CDH8: variants seen among roughly 807,000 people sequenced by gnomAD.
The protein encoded by CDH8 is cadherin-8.
Under a neutral mutation model 68.1 loss-of-function variants are expected in CDH8, and 17 were observed. That is an observed-to-expected ratio of 0.25 (90% CI 0.17 to 0.37). CDH8 has a LOEUF of 0.37. Ranked by LOEUF, CDH8 falls within the 10% of genes least tolerant of loss-of-function variation. The probability of loss-of-function intolerance (pLI) is 1.00; values close to 1 mark genes in which losing one functional copy is unlikely to be tolerated. For missense variants in CDH8, 763 were observed against 999.3 expected, an observed-to-expected ratio of 0.76 and a Z score of 3.19; for synonymous variants, 372 against 365.1, an observed-to-expected ratio of 1.02 and a Z score of -0.21.
At chr16:61,908,834 T>C (rs1964108084) in intron 2 of CDH8, among the ~76,000 whole-genome samples, 1 of 152,172 alleles carries the variant, frequency 6.6e-6, no homozygotes, top group Non-Finnish European at 1.5e-5. Context: ...AATTACATCA[T>C]AAAATTAAAG....
intron 9 of CDH8, among the ~76,000 whole-genome samples, chr16:61,721,784 G>A (rs894022060): frequency 1.3e-4 from 19 of 150,690 alleles, no homozygotes; most frequent in African/African-American, 4.4e-4. Context: ...AAATTTCAGG[G>A]ACTTTAGCAC....
chr16:61,859,635 A>G (rs997514135), intron 3 of CDH8, among the ~76,000 whole-genome samples: 23 of 152,314 alleles, frequency 1.5e-4, no homozygotes, highest in African/African-American at 5.5e-4. Context: ...ATAAAACATT[A>G]ACACTGGGTA....
chr16:61,807,600 T>A (rs1961825578), intron 7 of CDH8, among the ~76,000 whole-genome samples: 1 of 152,190 alleles, frequency 6.6e-6, no homozygotes, highest in African/African-American at 2.4e-5. Flanking sequence ...CTGTGCAGAT[T>A]GCCCTTCAAA....
At chr16:61,712,694 G>A (rs1052853950) in intron 10 of CDH8, among the ~76,000 whole-genome samples, 1 of 151,532 alleles carries the variant, frequency 6.6e-6, no homozygotes, top group African/African-American at 2.4e-5. Context: ...GAGACAGAAA[G>A]GGTTTTGTCT....
At chr16:61,676,832 C>T (rs1333476554) in intron 10 of CDH8, among the ~76,000 whole-genome samples, 1 of 151,986 alleles carries the variant, frequency 6.6e-6, no homozygotes, top group Non-Finnish European at 1.5e-5. Context: ...CATCATCCCC[C>T]AAATTCCCTC....
At chr16:62,008,879 T>G (rs913732761) in intron 2 of CDH8, among the ~76,000 whole-genome samples, 7 of 151,978 alleles carry the variant, frequency 4.6e-5, no homozygotes, top group Non-Finnish European at 8.8e-5. Flanking sequence ...AAGTCAAGGA[T>G]GCAATCAGAG....
chr16:61,877,306 A>T (rs544852087), intron 3 of CDH8, among the ~76,000 whole-genome samples: 13 of 66,650 alleles, frequency 2.0e-4, no homozygotes, highest in African/African-American at 6.8e-4. Context: ...GGAATTATTT[A>T]AAAAAAAAAA....
intron 10 of CDH8, among the ~76,000 whole-genome samples, chr16:61,664,440 ATAAG>A (rs1038321120): frequency 6.6e-6 from 1 of 152,000 alleles, no homozygotes; most frequent in Non-Finnish European, 1.5e-5. Flanking sequence ...AAATAAATGA[ATAAG>A]TAACCATAAG....
intron 8 of CDH8, 99 bp from the exon 9 acceptor site, chr16:61,727,314 C>G: frequency 8.1e-7 from 1 of 1,229,946 alleles, no homozygotes; most frequent in East Asian, 2.4e-5. Context: ...TCCAACTTCC[C>G]TTAATTAGGA....
At chr16:61,905,587 G>A (rs1048722656) in intron 2 of CDH8, among the ~76,000 whole-genome samples, 8 of 152,098 alleles carry the variant, frequency 5.3e-5, no homozygotes, top group African/African-American at 1.4e-4. Flanking sequence ...AGATTTTCAC[G>A]GAACTTTCCC....
chr16:61,896,264 A>G (rs1963867362), intron 3 of CDH8, among the ~76,000 whole-genome samples: 1 of 152,232 alleles, frequency 6.6e-6, no homozygotes. Flanking sequence ...TCCAAATAAG[A>G]TATTTCTAAA....
rs571699236 is a variant in CDH8, at chr16:61,681,521, T to C, written c.1655-25800A>G. Among the ~76,000 whole-genome samples the C allele has an allele frequency of 2.6e-5, 4 of 151,604 alleles. 1 individual carries two copies. In the East Asian group the frequency reaches 7.8e-4, roughly 29 times the overall value. ...ATTCATTATTGTCTGCAGCTCGTGGTGTAAACAGAAAGTGACTGAAAATGA... is the reference window on the plus strand; with the variant it reads ...ATTCATTATTGTCTGCAGCTCGTGGCGTAAACAGAAAGTGACTGAAAATGA... On this transcript the variant is annotated intron_variant, in intron 10 of 11. Coordinates refer to ENST00000577390, the MANE Select transcript of CDH8 (RefSeq NM_001796.5).
intron 3 of CDH8, among the ~76,000 whole-genome samples, chr16:61,876,660 T>C (rs941735715): frequency 6.6e-6 from 1 of 152,126 alleles, no homozygotes; most frequent in African/African-American, 2.4e-5. Context: ...CACTATGAGA[T>C]ACTGACTATA....
chr16:61,928,998 TC>T (rs566743970), intron 2 of CDH8, among the ~76,000 whole-genome samples: 142 of 152,058 alleles, frequency 9.3e-4, no homozygotes, highest in Middle Eastern at 3.4e-3. Flanking sequence ...AAACTCTGCC[TC>T]CCGGGTTCAC....
chr16:61,939,839 G>T (rs1964684222), intron 2 of CDH8, among the ~76,000 whole-genome samples: 1 of 152,100 alleles, frequency 6.6e-6, no homozygotes, highest in South Asian at 2.1e-4. Flanking sequence ...CATTTCCAGG[G>T]ACATAAGCAT....
chr16:61,985,310 A>G (rs907573199), intron 2 of CDH8, among the ~76,000 whole-genome samples: 30 of 152,210 alleles, frequency 2.0e-4, no homozygotes, highest in African/African-American at 7.0e-4. Flanking sequence ...AAGAAAATTT[A>G]TATTAATTAA....
At chr16:61,725,050 A>G (rs1959309704) in intron 9 of CDH8, 1 of 150,922 alleles carries the variant, frequency 6.6e-6, no homozygotes, top group Non-Finnish European at 1.5e-5. Context: ...CATCAAAGAT[A>G]TGATCCTTTC....
chr16:61,750,567 C>T (rs1048462436), intron 8 of CDH8, among the ~76,000 whole-genome samples: 5 of 152,184 alleles, frequency 3.3e-5, no homozygotes, highest in Admixed American at 2.0e-4. Flanking sequence ...ATTCACAGCA[C>T]CACAAATTTC....
At chr16:62,009,061 A>G (rs890820262) in intron 2 of CDH8, among the ~76,000 whole-genome samples, 18 of 151,644 alleles carry the variant, frequency 1.2e-4, no homozygotes, top group Non-Finnish European at 2.1e-4. Flanking sequence ...GAAAAACTCC[A>G]CTATAAATAA....
Sources: gnomAD v4.1 joint callset for allele counts (sites outside exome capture counted in the v4.1 genomes callset) on GRCh38, gnomAD v4.1.1 for gene constraint, MANE v1.5 for transcripts, NCBI Gene and HGNC (gene_info 2026-07-23, HGNC 2026-07-21) for gene names.